SGF29: variants seen among roughly 807,000 people sequenced by gnomAD.
SGF29 encodes the protein SAGA complex associated factor 29.
Under a neutral mutation model 38.1 loss-of-function variants are expected in SGF29, and 15 were observed. That is an observed-to-expected ratio of 0.39 (90% CI 0.26 to 0.61). The LOEUF (loss-of-function observed/expected upper bound fraction) is 0.61, where lower values mean the gene tolerates loss of function less well. Among genes scored for constraint, SGF29 ranks in the 20% least tolerant of loss-of-function variants. The pLI, the probability that SGF29 is intolerant of heterozygous loss-of-function variation, is 0.49. For missense variants in SGF29, 184 were observed against 394.6 expected (o/e 0.47, Z 4.52); for synonymous variants, 151 against 160.8 (o/e 0.94, Z 0.46).
chr16:28,582,426 AAC>A (rs1477427275), intron 2 of SGF29, among the ~76,000 whole-genome samples: 1 of 152,182 alleles, frequency 6.6e-6, no homozygotes, highest in South Asian at 2.1e-4. Flanking sequence ...AGAACGGCAG[AAC>A]ACACAGAGTA....
chr16:28,586,065 G>A (rs1041163657), intron 4 of SGF29, among the ~76,000 whole-genome samples: 1 of 152,204 alleles, frequency 6.6e-6, no homozygotes, highest in African/African-American at 2.4e-5. Context: ...GAGGTTAGAG[G>A]ATCACTTGAA....
chr16:28,562,895 C>G (rs2046797624), intron 1 of SGF29, among the ~76,000 whole-genome samples: 1 of 134,664 alleles, frequency 7.4e-6, no homozygotes, highest in African/African-American at 2.8e-5. Flanking sequence ...CAGAGTGAGA[C>G]CCTGTCTCAA....
chr16:28,587,556 C>G (rs2046962196), intron 4 of SGF29, among the ~76,000 whole-genome samples: 1 of 152,218 alleles, frequency 6.6e-6, no homozygotes, highest in African/African-American at 2.4e-5. Flanking sequence ...TGCCCTTGGC[C>G]TACCTCCATC....
intron 1 of SGF29, among the ~76,000 whole-genome samples, chr16:28,564,687 GTATA>G (rs376845529): frequency 2.1e-5 from 1 of 47,090 alleles, no homozygotes. Flanking sequence ...ATATATATGT[GTATA>G]TATATGTATA....
At position 28,564,613 on chromosome 16, in the gene SGF29, A is replaced by ACG. The variant is rs1352108870; in HGVS notation, c.-16+10516_-16+10517insCG. 2.4e-4 allele frequency among the ~76,000 whole-genome samples: 31 copies of ACG among 131,610 alleles called. No individual in the cohort carries two copies. In the East Asian group the frequency reaches 3.9e-3, roughly 16 times the overall value. The allele number at this position is 131,610 out of a possible 152,430, so 86.3% of individuals were successfully genotyped here. On this transcript the variant is annotated intron_variant, in intron 1 of 9. Transcript: ENST00000317058. ...TATACACACATATATGTGTATATAT[A>ACG]TACATATATGCATATATATACGTAT...
At chr16:28,585,388 A>AT in intron 3 of SGF29, 1 of 565,810 alleles carries the variant, frequency 1.8e-6, no homozygotes, top group Admixed American at 3.1e-5. Context: ...GTCCTGACAA[A>AT]TATTTTCTGT....
chr16:28,564,711 ATATATG>A (rs1567285965), intron 1 of SGF29, among the ~76,000 whole-genome samples: 71 of 93,236 alleles, frequency 7.6e-4, no homozygotes, highest in Middle Eastern at 4.8e-3. Context: ...ATATATACAT[ATATATG>A]TATATATATA....
chr16:28,564,728 CATATATATGTATATATGTATATATAT>C (rs2046822724), intron 1 of SGF29, among the ~76,000 whole-genome samples: 1 of 70,238 alleles, frequency 1.4e-5, no homozygotes, highest in African/African-American at 5.6e-5. Flanking sequence ...TATATATATA[CATATATATGTATATATGTATATATAT>C]GTATATATGT....
chr16:28,572,866 G>C (rs2046873008), intron 1 of SGF29, among the ~76,000 whole-genome samples: 1 of 151,806 alleles, frequency 6.6e-6, no homozygotes, highest in Non-Finnish European at 1.5e-5. Context: ...TTCTGTCCCT[G>C]GCTTCTCAGC....
intron 4 of SGF29, among the ~76,000 whole-genome samples, chr16:28,588,399 T>C (rs1315013293): frequency 6.6e-6 from 1 of 152,142 alleles, no homozygotes; most frequent in Admixed American, 6.5e-5. Context: ...CCCCCTCTCC[T>C]CATTTCAGGA....
chr16:28,583,135 AG>A (rs1200630795), intron 2 of SGF29, among the ~76,000 whole-genome samples: 3 of 152,222 alleles, frequency 2.0e-5, no homozygotes, highest in Non-Finnish European at 4.4e-5. Flanking sequence ...TCGCCCTTTC[AG>A]GCACCCAGTG....
chr16:28,555,189 C>T (rs1282633948), intron 1 of SGF29, among the ~76,000 whole-genome samples: 1 of 151,918 alleles, frequency 6.6e-6, no homozygotes, highest in Non-Finnish European at 1.5e-5. Context: ...ACTGGCCAGG[C>T]GCGGTGGCTC....
In SGF29 at chr16:28,590,984, T is replaced by C; in HGVS notation, c.765+49T>C. ...GCCATGGGTGATGTCAGGAACAGGC[T>C]GATCAGACAGACGAGGGGTCCTCTC... On this transcript the variant is annotated intron_variant, in intron 9 of 9. Coordinates refer to ENST00000317058, the MANE Select transcript of SGF29 (RefSeq NM_138414.3). The surrounding 1 kb of genome is among the most constrained non-coding windows in gnomAD (Gnocchi z 8.2). 1 of 1,541,552 alleles carries C rather than the reference T, an allele frequency of 6.5e-7. No homozygotes were observed. The highest frequency in any genetic ancestry group is 8.8e-7 in the Non-Finnish European group (1 of 1,140,246).
chr16:28,585,217 C>G (rs2046949873), intron 3 of SGF29: 4 of 545,064 alleles, frequency 7.3e-6, no homozygotes, highest in Non-Finnish European at 1.3e-5. Context: ...TCTAGGGAAG[C>G]TTGCCCTTAG....
At chr16:28,554,586 A>T (rs912130099) in intron 1 of SGF29, among the ~76,000 whole-genome samples, 1 of 151,980 alleles carries the variant, frequency 6.6e-6, no homozygotes, top group African/African-American at 2.4e-5. Flanking sequence ...TGGGGAGTAT[A>T]GGCGTGAGCC....
chr16:28,577,388 T>A (rs140424576), intron 1 of SGF29, among the ~76,000 whole-genome samples: 5 of 151,966 alleles, frequency 3.3e-5, no homozygotes, highest in Admixed American at 6.6e-5. Flanking sequence ...TCATTAATAG[T>A]CGCTGTCCTT....
rs138354664 is a variant in SGF29, at chr16:28,587,083, C to G, written c.224+1363C>G. 4.3e-3 allele frequency among the ~76,000 whole-genome samples: 659 copies of G among 152,168 alleles called. 7 individuals carry two copies. Among genetic ancestry groups the G allele is most frequent in the African/African-American group, 0.015 (617 of 41,512 alleles). Reference sequence around the variant, plus strand: ...CTGGTCTTGAACTCCTCAGCTCAAGCGATCCACCCACCTTGGCCTCCCAAA... The same window carrying G: ...CTGGTCTTGAACTCCTCAGCTCAAGGGATCCACCCACCTTGGCCTCCCAAA... On this transcript the variant is annotated intron_variant, in intron 4 of 9. Coordinates refer to ENST00000317058, the MANE Select transcript of SGF29 (RefSeq NM_138414.3).
At position 28,570,750 on chromosome 16, in the gene SGF29, G is replaced by A. The variant is rs943351433; in HGVS notation, c.-15-10305G>A. On this transcript the variant is annotated intron_variant, in intron 1 of 9. Transcript: ENST00000317058. ...CTGCCATCATGCCCAGCTAATTTTTGTATTTTTAGTAGAGACAGGGTTTCA... is the reference window on the plus strand; with the variant it reads ...CTGCCATCATGCCCAGCTAATTTTTATATTTTTAGTAGAGACAGGGTTTCA... 6.6e-5 allele frequency among the ~76,000 whole-genome samples: 10 copies of A among 151,678 alleles called. No homozygotes were observed. In the East Asian group the frequency reaches 1.2e-3, roughly 18 times the overall value.
chr16:28,586,368 A>G (rs369009874), intron 4 of SGF29, among the ~76,000 whole-genome samples: 4 of 152,038 alleles, frequency 2.6e-5, no homozygotes, highest in Admixed American at 6.6e-5. Flanking sequence ...GCGAAACCCT[A>G]TATCTACTAA....
Sources: gnomAD v4.1 joint callset for allele counts (sites outside exome capture counted in the v4.1 genomes callset) on GRCh38, gnomAD v4.1.1 for gene constraint, Gnocchi (gnomAD v3.1) non-coding constraint, MANE v1.5 for transcripts, NCBI Gene and HGNC (gene_info 2026-07-23, HGNC 2026-07-21) for gene names.